DPP10: variants seen among roughly 807,000 people sequenced by gnomAD.
DPP10 encodes inactive dipeptidyl peptidase 10.
A neutral mutation model predicts 120.9 loss-of-function variants in DPP10; 33 were observed. That is an observed-to-expected ratio of 0.27 (90% CI 0.21 to 0.37). DPP10 has a LOEUF of 0.37. Among genes scored for constraint, DPP10 ranks in the 10% least tolerant of loss-of-function variants. The pLI, the probability that DPP10 is intolerant of heterozygous loss-of-function variation, is 1.00. For synonymous variants in DPP10, 337 were observed against 326.1 expected (o/e 1.03, Z -0.36); for missense variants, 816 against 942.8 (o/e 0.87, Z 1.76).
At chr2:115,491,038 A>G (rs1206889329) in intron 3 of DPP10, among the ~76,000 whole-genome samples, 2 of 152,106 alleles carry the variant, frequency 1.3e-5, no homozygotes, top group Non-Finnish European at 1.5e-5. Context: ...GGATCACTTG[A>G]ACCTGGGAGG....
At chr2:115,304,422 C>T (rs1456490391) in intron 1 of DPP10, among the ~76,000 whole-genome samples, 1 of 151,926 alleles carries the variant, frequency 6.6e-6, no homozygotes, top group Non-Finnish European at 1.5e-5. Context: ...TCTTTTCACA[C>T]GGAAATACAG....
chr2:115,469,118 G>A (rs938595491), intron 3 of DPP10, among the ~76,000 whole-genome samples: 7 of 151,944 alleles, frequency 4.6e-5, no homozygotes, highest in Non-Finnish European at 7.4e-5. Flanking sequence ...GTAGAGATGG[G>A]GTTACACCAT....
At chr2:114,670,358 G>T (rs962301091) in intron 1 of DPP10, among the ~76,000 whole-genome samples, 2 of 152,068 alleles carry the variant, frequency 1.3e-5, no homozygotes, top group South Asian at 2.1e-4. Context: ...CCATAAAAAA[G>T]GATGAGTTCA....
At chr2:115,359,538 A>C (rs1387433133) in intron 3 of DPP10, among the ~76,000 whole-genome samples, 1 of 151,990 alleles carries the variant, frequency 6.6e-6, no homozygotes, top group Non-Finnish European at 1.5e-5. Context: ...CCTTTTCTTT[A>C]GCTGCCTTTA....
At chr2:115,506,741 T>C (rs1183795766) in intron 4 of DPP10, among the ~76,000 whole-genome samples, 1 of 152,096 alleles carries the variant, frequency 6.6e-6, no homozygotes, top group Non-Finnish European at 1.5e-5. Context: ...CAGATATTGA[T>C]CTATCTATAT....
Position 115,727,924 on chromosome 2 carries a change from T to C in DPP10, c.685T>C (p.Trp229Arg), listed in dbSNP as rs551198632. 1.9e-6 allele frequency: 3 copies of C among 1,605,154 alleles called. No homozygotes were observed. The highest frequency in any genetic ancestry group is 2.3e-5 in the East Asian group (1 of 44,242). The stretch of plus-strand genomic sequence containing the variant: ...AATAATTTTTAATGGGATTGCTGAC[T>C]GGTTATATGAAGGTGAGTTGATCAG... ...EEIIFNGIAD[W>R]LYEEELLHSH... Residue 229 changes from tryptophan (W) to arginine (R), a missense_variant, in exon 8 of 26, where the codon TGG becomes CGG. Physicochemically the swap from Trp to Arg is moderately radical, Grantham distance 101 (BLOSUM62 -3). Transcript: ENST00000410059.
At chr2:115,694,408 A>G (rs2091474071) in intron 7 of DPP10, among the ~76,000 whole-genome samples, 1 of 152,224 alleles carries the variant, frequency 6.6e-6, no homozygotes, top group Admixed American at 6.5e-5. Flanking sequence ...AGGGATTGAC[A>G]TAATTTACTG....
chr2:114,460,972 A>G (rs566722953), intron 1 of DPP10, among the ~76,000 whole-genome samples: 1 of 152,336 alleles, frequency 6.6e-6, no homozygotes, highest in South Asian at 2.1e-4. Flanking sequence ...TTTCATGACT[A>G]TGATGTGTTT....
intron 1 of DPP10, among the ~76,000 whole-genome samples, chr2:115,002,949 G>A (rs1701543828): frequency 6.6e-6 from 1 of 152,040 alleles, no homozygotes; most frequent in Non-Finnish European, 1.5e-5. Flanking sequence ...GGAAAGCAGT[G>A]TGGTGATTCC....
Position 115,685,575 on chromosome 2 carries a change from A to G in DPP10, c.442-4112A>G, listed in dbSNP as rs544741617. 2.0e-5 allele frequency among the ~76,000 whole-genome samples: 3 copies of G among 152,170 alleles called. No homozygotes were observed. In the East Asian group the frequency reaches 5.8e-4, roughly 29 times the overall value. On this transcript the variant is annotated intron_variant, in intron 5 of 25. Coordinates refer to ENST00000410059, the MANE Select transcript of DPP10 (RefSeq NM_020868.6). ...CACATAATTAGTATTCAATAGTTAC[A>G]TAATTAGTATTCAATAGTCATTTAT...
At chr2:114,474,443 G>C (rs1042561833) in intron 1 of DPP10, among the ~76,000 whole-genome samples, 2 of 152,168 alleles carry the variant, frequency 1.3e-5, no homozygotes, top group Non-Finnish European at 2.9e-5. Context: ...TCCTATGAAT[G>C]ATAACTGGAG....
chr2:114,892,389 A>T (rs1490711225), intron 1 of DPP10, among the ~76,000 whole-genome samples: 1 of 152,202 alleles, frequency 6.6e-6, no homozygotes, highest in Non-Finnish European at 1.5e-5. Context: ...GAAGCACTCC[A>T]TGGAGAACTG....
chr2:115,392,522 A>C (rs1044007258), intron 3 of DPP10, among the ~76,000 whole-genome samples: 1 of 152,096 alleles, frequency 6.6e-6, no homozygotes, highest in Non-Finnish European at 1.5e-5. Flanking sequence ...TCATCCTCTT[A>C]ATATCACATA....
intron 17 of DPP10, among the ~76,000 whole-genome samples, chr2:115,787,575 G>T (rs1683479693): frequency 6.6e-6 from 1 of 152,074 alleles, no homozygotes; most frequent in African/African-American, 2.4e-5. Context: ...GAAGAAAGTA[G>T]AACCTAAATT....
At chr2:115,488,872 G>A (rs1212201135) in intron 3 of DPP10, among the ~76,000 whole-genome samples, 1 of 51,102 alleles carries the variant, frequency 2.0e-5, no homozygotes, top group Admixed American at 3.3e-4. Context: ...CTAAAACTTA[G>A]AGTATAATAA....
At chr2:115,172,379 G>A (rs1259633150) in intron 1 of DPP10, among the ~76,000 whole-genome samples, 55 of 145,374 alleles carry the variant, frequency 3.8e-4, no homozygotes, top group Admixed American at 2.8e-4. Flanking sequence ...GTGAGAATCC[G>A]TCTCAAAAAA....
intron 1 of DPP10, chr2:115,064,707 T>C: frequency 7.7e-7 from 1 of 1,302,498 alleles, no homozygotes; most frequent in South Asian, 1.2e-5. Flanking sequence ...GAAGTAAGAT[T>C]CTGTGAGGGT....
intron 1 of DPP10, among the ~76,000 whole-genome samples, chr2:114,511,564 C>G (rs1558829296): frequency 6.6e-6 from 1 of 152,160 alleles, no homozygotes; most frequent in Non-Finnish European, 1.5e-5. Context: ...AAATATGTAG[C>G]TGATATCAGG....
intron 1 of DPP10, among the ~76,000 whole-genome samples, chr2:114,704,216 T>C (rs1399271052): frequency 6.6e-6 from 1 of 152,242 alleles, no homozygotes; most frequent in African/African-American, 2.4e-5. Flanking sequence ...GTGCTGGTGA[T>C]AGACATGCCA....
Sources: gnomAD v4.1 joint callset for allele counts (sites outside exome capture counted in the v4.1 genomes callset) on GRCh38, gnomAD v4.1.1 for gene constraint, MANE v1.5 for transcripts, NCBI Gene and HGNC (gene_info 2026-07-23, HGNC 2026-07-21) for gene names.